The following OSBPL10 variants were observed in gnomAD, a reference collection of about 807,000 sequenced individuals.
The protein encoded by OSBPL10 is oxysterol binding protein like 10.
OSBPL10 carries 49 observed loss-of-function variants against 81.7 expected under a neutral mutation model. The ratio of observed to expected loss-of-function variants is 0.60; its 90% confidence interval spans 0.48 to 0.76. OSBPL10 has a LOEUF of 0.76. Ranked by LOEUF, OSBPL10 falls within the 30% of genes least tolerant of loss-of-function variation. The probability of loss-of-function intolerance (pLI) is 0.00; values close to 1 mark genes in which losing one functional copy is unlikely to be tolerated. For missense variants in OSBPL10, 923 were observed against 987.8 expected, an observed-to-expected ratio of 0.93 and a Z score of 0.88; for synonymous variants, 419 against 383.6, an observed-to-expected ratio of 1.09 and a Z score of -1.08.
chr3:31,689,210 C>T (rs1442100844), intron 7 of OSBPL10, among the ~76,000 whole-genome samples: 1 of 151,932 alleles, frequency 6.6e-6, no homozygotes, highest in Non-Finnish European at 1.5e-5. Flanking sequence ...AGTATCACTG[C>T]CATGAAAGGG....
chr3:31,681,129 A>C (rs1700629984), intron 8 of OSBPL10, among the ~76,000 whole-genome samples: 1 of 152,208 alleles, frequency 6.6e-6, no homozygotes, highest in African/African-American at 2.4e-5. Context: ...GTGTGTCCCT[A>C]GCTTCCTACA....
At chr3:31,678,228 G>A (rs187511320) in intron 8 of OSBPL10, among the ~76,000 whole-genome samples, 237 of 152,314 alleles carry the variant, frequency 1.6e-3, no homozygotes, top group South Asian at 0.011. Context: ...GCTGAGGGGT[G>A]CCCCGTTGAC....
chr3:31,981,363 G>A (rs527671755), upstream of OSBPL10: 4 of 1,057,804 alleles, frequency 3.8e-6, no homozygotes, highest in Non-Finnish European at 4.8e-6. The surrounding 1 kb of genome is among the most constrained non-coding windows in gnomAD (Gnocchi z 4.5). Flanking sequence ...GGAAGCCAAC[G>A]GGGCTGGATG....
chr3:32,021,161 C>T (rs1699360271), intron 2 of OSBPL10, among the ~76,000 whole-genome samples: 1 of 152,174 alleles, frequency 6.6e-6, no homozygotes, highest in Non-Finnish European at 1.5e-5. Flanking sequence ...TAATCACATT[C>T]TGAGGTGTAC....
intron 6 of OSBPL10, chr3:31,711,142 T>G (rs951275129): frequency 1.3e-5 from 2 of 152,236 alleles, no homozygotes; most frequent in Non-Finnish European, 2.9e-5. Context: ...GGAGCCTCCA[T>G]TCTAGCAAGG....
intron 3 of OSBPL10, among the ~76,000 whole-genome samples, chr3:31,842,057 T>C (rs1479552123): frequency 6.6e-6 from 1 of 152,138 alleles, no homozygotes; most frequent in Non-Finnish European, 1.5e-5. Flanking sequence ...TAATACATAA[T>C]AGATATGCTT....
intron 4 of OSBPL10, among the ~76,000 whole-genome samples, chr3:31,786,389 T>C (rs192128527): frequency 6.8e-4 from 104 of 152,336 alleles, no homozygotes; most frequent in African/African-American, 2.3e-3. Flanking sequence ...CTCAGTCCAC[T>C]TGGGCTGCTA....
chr3:31,982,650 T>TAAAAAAAAA (rs34935064), upstream of OSBPL10, among the ~76,000 whole-genome samples: 2 of 146,956 alleles, frequency 1.4e-5, no homozygotes, highest in African/African-American at 5.0e-5. Flanking sequence ...TACATAGTGT[T>TAAAAAAAAA]AAAAAAAAAA....
chr3:31,797,024 CTTGCT>C lies in OSBPL10; in HGVS notation c.729+33011_729+33015del, dbSNP rs1368681426. 6.0e-5 allele frequency among the ~76,000 whole-genome samples: 7 copies of C among 117,186 alleles called. No individual in the cohort carries two copies. In the East Asian group the frequency reaches 1.8e-3, roughly 31 times the overall value. 76.9% of individuals were successfully genotyped at this position (117,186 alleles called of 152,430 possible). On this transcript the variant is annotated intron_variant, in intron 4 of 11. Coordinates refer to ENST00000396556, the MANE Select transcript of OSBPL10 (RefSeq NM_017784.5). ...TTTTTTTTTTTTTTTGAGACAGAGGCTTGCTCTGTTGCCAGGCTGGAGTGCAATGG... is the reference window on the plus strand; with the variant it reads ...TTTTTTTTTTTTTTTGAGACAGAGGCCTGTTGCCAGGCTGGAGTGCAATGG...
chr3:32,013,354 T>C (rs528382728), intron 2 of OSBPL10, among the ~76,000 whole-genome samples: 1 of 152,048 alleles, frequency 6.6e-6, no homozygotes, highest in South Asian at 2.1e-4. Context: ...ACTGCATACA[T>C]AACGAAATGA....
At chr3:31,919,859 CTTTT>C (rs1696862592) in intron 1 of OSBPL10, among the ~76,000 whole-genome samples, 1 of 152,188 alleles carries the variant, frequency 6.6e-6, no homozygotes, top group Non-Finnish European at 1.5e-5. Flanking sequence ...AATGAAAGCA[CTTTT>C]TTATTAGAGG....
rs1289105206 is a variant in OSBPL10 at position 31,965,468 on chromosome 3, T to TATA, written c.281+15428_281+15430dup. Reference sequence around the variant, plus strand: ...ATTATATAATATATAATTTATATAATATATATTATATATTATCTATTTTAT... The same window carrying TATA: ...ATTATATAATATATAATTTATATAATATAATATATTATATATTATCTATTTTAT... On this transcript the variant is annotated intron_variant, in intron 1 of 11. Coordinates refer to ENST00000396556, the MANE Select transcript of OSBPL10 (RefSeq NM_017784.5). Among the ~76,000 whole-genome samples the TATA allele has an allele frequency of 5.7e-5, 6 of 105,766 alleles. 1 individual carries two copies. Among genetic ancestry groups the TATA allele is most frequent in the African/African-American group, 1.1e-4 (3 of 26,662 alleles). The allele number at this position is 105,766 out of a possible 152,430, so 69.4% of individuals were successfully genotyped here.
upstream of OSBPL10, among the ~76,000 whole-genome samples, chr3:31,984,224 T>C (rs1307646903): frequency 3.9e-5 from 6 of 152,002 alleles, no homozygotes; most frequent in Non-Finnish European, 7.4e-5. Context: ...GTATTTTTAG[T>C]AGAGATGGGA....
At chr3:31,984,278 G>A (rs1181015292), upstream of OSBPL10, among the ~76,000 whole-genome samples, 1 of 151,688 alleles carries the variant, frequency 6.6e-6, no homozygotes, top group African/African-American at 2.4e-5. Flanking sequence ...GTGACCTCGT[G>A]ATCCGCCCAC....
chr3:32,039,842 A>T (rs1461950774), intron 2 of OSBPL10, among the ~76,000 whole-genome samples: 2 of 152,136 alleles, frequency 1.3e-5, no homozygotes, highest in Non-Finnish European at 2.9e-5. Context: ...AGAAGATGGA[A>T]ACTTATGAAG....
intron 2 of OSBPL10, among the ~76,000 whole-genome samples, chr3:32,013,088 G>C (rs950927203): frequency 2.0e-5 from 3 of 152,188 alleles, no homozygotes; most frequent in Non-Finnish European, 2.9e-5. Flanking sequence ...TCTGCACCAA[G>C]CGGACCTAAT....
intron 4 of OSBPL10, among the ~76,000 whole-genome samples, chr3:31,812,717 A>AGAAAGAAAGAAAG (rs1348253112): frequency 5.6e-5 from 3 of 53,490 alleles, no homozygotes; most frequent in Non-Finnish European, 1.2e-4. Flanking sequence ...GTAGGCAAAA[A>AGAAAGAAAGAAAG]AAAAGAAAGA....
intron 6 of OSBPL10, among the ~76,000 whole-genome samples, chr3:31,707,973 A>C (rs1696126873): frequency 6.6e-6 from 1 of 152,194 alleles, no homozygotes; most frequent in South Asian, 2.1e-4. Context: ...CAAGTAGAAG[A>C]CAAAGGGGAT....
At chr3:32,012,949 C>T (rs1453887598) in intron 2 of OSBPL10, among the ~76,000 whole-genome samples, 9 of 150,670 alleles carry the variant, frequency 6.0e-5, no homozygotes, top group East Asian at 1.9e-4. Flanking sequence ...AAAGCAAGTC[C>T]TTAGAGACCT....
Sources: allele counts gnomAD v4.1 joint callset (sites outside exome capture counted in the v4.1 genomes callset), GRCh38; gene constraint gnomAD v4.1.1; non-coding constraint Gnocchi (gnomAD v3.1); transcripts MANE v1.5; gene names NCBI Gene and HGNC (gene_info 2026-07-23, HGNC 2026-07-21).